RRP15: variants seen among roughly 807,000 people sequenced by gnomAD.
RRP15 encodes RRP15-like protein.
In RRP15, 18 loss-of-function variants were observed where a neutral mutation model predicts 27.1. The ratio of observed to expected loss-of-function variants is 0.66; its 90% confidence interval spans 0.46 to 0.98. The LOEUF is 0.98. RRP15 is among the 50% of genes least tolerant of loss of function. The probability of loss-of-function intolerance (pLI) is 0.00; values close to 1 mark genes in which losing one functional copy is unlikely to be tolerated. For missense variants in RRP15, 359 were observed against 337.8 expected, an observed-to-expected ratio of 1.06 and a Z score of -0.49; for synonymous variants, 107 against 109.4, an observed-to-expected ratio of 0.98 and a Z score of 0.14.
chr1:218,299,216 T>C (rs967488593), intron 1 of RRP15, among the ~76,000 whole-genome samples: 3 of 152,198 alleles, frequency 2.0e-5, no homozygotes, highest in Admixed American at 1.3e-4. Context: ...AATGTCATCA[T>C]TTTCATTGTC....
intron 4 of RRP15, among the ~76,000 whole-genome samples, chr1:218,315,928 TG>T (rs1656083669): frequency 6.6e-6 from 1 of 152,198 alleles, no homozygotes; most frequent in African/African-American, 2.4e-5. Context: ...GCTTAATGTT[TG>T]TTTACTGAAA....
In RRP15 at chr1:218,332,803, T is replaced by C. The variant is rs1380661141; in HGVS notation, c.*1712T>C. ...TACCTCAGTAGTAATACAGGAGAAC[T>C]AAATATCCTGCTATAACTTAATACA... On this transcript the variant is annotated 3_prime_UTR_variant, in exon 5 of 5. Transcript: ENST00000366932. The C allele has an allele frequency of 1.3e-5, 2 of 148,290 alleles. No homozygotes were observed. The highest frequency in any genetic ancestry group is 3.0e-5 in the Non-Finnish European group (2 of 67,406). The allele number at this position is 148,290 out of a possible 1,614,324, so 9.2% of individuals were successfully genotyped here. A position where few individuals can be genotyped will look rare whatever the true frequency, so the allele number is the denominator to read the frequency against.
At chr1:218,313,341 G>T (rs1355430282) in intron 4 of RRP15, among the ~76,000 whole-genome samples, 1 of 152,196 alleles carries the variant, frequency 6.6e-6, no homozygotes, top group African/African-American at 2.4e-5. Context: ...AATCAGATTG[G>T]AGAGGCAATT....
chr1:218,304,900 T>A, intron 2 of RRP15, 128 bp from the exon 3 acceptor site: 1 of 823,108 alleles, frequency 1.2e-6, no homozygotes, highest in South Asian at 1.7e-5. Context: ...TGTGTTTTTT[T>A]AAAAGCCCCT....
intron 1 of RRP15, among the ~76,000 whole-genome samples, chr1:218,288,917 CCT>C (rs1558200007): frequency 6.6e-6 from 1 of 152,088 alleles, no homozygotes; most frequent in Non-Finnish European, 1.5e-5. Context: ...AGCAAATTCC[CCT>C]GTTCACTCAA....
rs1250949770 is a variant in RRP15 at position 218,337,235 on chromosome 1, A to G, written c.*6144A>G. 2.0e-5 allele frequency: 3 copies of G among 152,122 alleles called. No individual in the cohort carries two copies. The highest frequency in any genetic ancestry group is 7.2e-5 in the African/African-American group (3 of 41,438). 9.4% of individuals were successfully genotyped at this position (152,122 alleles called of 1,614,324 possible). ...ACCTATAGGTTTCCATTCATTTCTC[A>G]TCTATGTAATTCTGAGTCTTCCTTT... On this transcript the variant is annotated 3_prime_UTR_variant, in exon 5 of 5. Coordinates refer to ENST00000366932, the MANE Select transcript of RRP15 (RefSeq NM_016052.4).
intron 4 of RRP15, among the ~76,000 whole-genome samples, chr1:218,323,692 T>C (rs941277798): frequency 6.6e-6 from 1 of 152,206 alleles, no homozygotes; most frequent in African/African-American, 2.4e-5. Context: ...TGCAGGTCAA[T>C]GCTGAGCTGC....
chr1:218,316,100 G>T (rs1214466252), intron 4 of RRP15, among the ~76,000 whole-genome samples: 1 of 152,130 alleles, frequency 6.6e-6, no homozygotes, highest in African/African-American at 2.4e-5. Context: ...GGTGGTTTCT[G>T]ATTTGAACAA....
At chr1:218,320,975 G>C (rs1336048648) in intron 4 of RRP15, among the ~76,000 whole-genome samples, 1 of 152,054 alleles carries the variant, frequency 6.6e-6, no homozygotes, top group African/African-American at 2.4e-5. Context: ...ACTAAATATA[G>C]ATGAGACTAT....
At chr1:218,287,172 G>A (rs541106988) in intron 1 of RRP15, among the ~76,000 whole-genome samples, 22 of 147,688 alleles carry the variant, frequency 1.5e-4, no homozygotes, top group South Asian at 1.3e-3. Flanking sequence ...GTAGAGATGG[G>A]ATTTTGCCAT....
chr1:218,327,251 G>A lies in RRP15; in HGVS notation c.706-3697G>A, dbSNP rs79115128. 3.8e-3 allele frequency among the ~76,000 whole-genome samples: 582 copies of A among 152,264 alleles called. 3 individuals are homozygous for A. The highest frequency in any genetic ancestry group is 0.013 in the African/African-American group (560 of 41,550). On this transcript the variant is annotated intron_variant, in intron 4 of 4. Transcript: ENST00000366932. ...CTCTGCCTTTTTTCTTTCTACGTGT[G>A]TCTTTAGCAAATGTAGGGATTAGAA...
At chr1:218,287,401 C>T (rs1410198449) in intron 1 of RRP15, among the ~76,000 whole-genome samples, 1 of 152,120 alleles carries the variant, frequency 6.6e-6, no homozygotes, top group East Asian at 1.9e-4. Flanking sequence ...AGATCAGCCA[C>T]ATTACGGGTT....
intron 4 of RRP15, among the ~76,000 whole-genome samples, chr1:218,326,760 G>A (rs1393243043): frequency 3.3e-5 from 5 of 152,048 alleles, no homozygotes; most frequent in African/African-American, 1.2e-4. Flanking sequence ...TCCCATTTTT[G>A]GTTCTATACC....
intron 4 of RRP15, among the ~76,000 whole-genome samples, chr1:218,310,502 G>A (rs1571801747): frequency 6.6e-6 from 1 of 152,124 alleles, no homozygotes; most frequent in South Asian, 2.1e-4. Flanking sequence ...AATATGGATA[G>A]AATTGTAATA....
intron 3 of RRP15, 87 bp from the exon 4 acceptor site, chr1:218,307,344 C>A: frequency 8.8e-7 from 1 of 1,138,784 alleles, no homozygotes; most frequent in Non-Finnish European, 1.2e-6. Flanking sequence ...CTTTTCTAGA[C>A]AGTGAAAATA....
Position 218,302,602 on chromosome 1 carries a change from G to A in RRP15, c.405+43G>A, listed in dbSNP as rs1166512923. On this transcript the variant is annotated intron_variant, in intron 2 of 4. Transcript: ENST00000366932. The stretch of plus-strand genomic sequence containing the variant: ...TCTTGTAGATTAGATTGTTTGTCTA[G>A]GCTAGCTCTTATCTTGACCGAACTG... 3.8e-6 allele frequency: 6 copies of A among 1,582,860 alleles called. No individual in the cohort carries two copies. In the South Asian group the frequency reaches 4.7e-5, roughly 12 times the overall value.
rs568444926 is a variant in RRP15, at chr1:218,337,435, C to T, written c.*6344C>T. The T allele has an allele frequency of 1.6e-4, 25 of 152,272 alleles. No homozygotes were observed. In the South Asian group the frequency reaches 4.6e-3, roughly 28 times the overall value. 9.4% of individuals were successfully genotyped at this position (152,272 alleles called of 1,614,324 possible). A position where few individuals can be genotyped will look rare whatever the true frequency, so the allele number is the denominator to read the frequency against. ...TTTAATAGCAAGAAATTTTTTAAAA[C>T]TTACAAGTTCAGTGATATGAGGACA... is the stretch of plus-strand genomic sequence containing the variant. On this transcript the variant is annotated 3_prime_UTR_variant, in exon 5 of 5. Transcript: ENST00000366932.
intron 3 of RRP15, among the ~76,000 whole-genome samples, chr1:218,306,887 T>C (rs1655908073): frequency 6.6e-6 from 1 of 152,226 alleles, no homozygotes. Flanking sequence ...GTATTTTCAT[T>C]TACAGCACAT....
Position 218,333,136 on chromosome 1 carries a change from G to T in RRP15, c.*2045G>T, listed in dbSNP as rs371136820. On this transcript the variant is annotated 3_prime_UTR_variant, in exon 5 of 5. Coordinates refer to ENST00000366932, the MANE Select transcript of RRP15 (RefSeq NM_016052.4). ...ACGAGAATATTTGCAGATTTCCTTC[G>T]TTCCAAAATTATTTTATTCCAAAGA... 1 of 151,630 alleles carries T rather than the reference G, an allele frequency of 6.6e-6. No homozygotes were observed. The highest frequency in any genetic ancestry group is 1.5e-5 in the Non-Finnish European group (1 of 67,920). 9.4% of individuals were successfully genotyped at this position (151,630 alleles called of 1,614,324 possible).
Sources: gnomAD v4.1 joint callset for allele counts (sites outside exome capture counted in the v4.1 genomes callset) on GRCh38, gnomAD v4.1.1 for gene constraint, MANE v1.5 for transcripts, NCBI Gene and HGNC (gene_info 2026-07-23, HGNC 2026-07-21) for gene names.